RBFOX1: variants seen among roughly 807,000 people sequenced by gnomAD.
The protein encoded by RBFOX1 is RNA binding fox-1 homolog 1, also known as RNA binding protein fox-1 homolog 1.
A neutral mutation model predicts 57.7 loss-of-function variants in RBFOX1; 8 were observed. The ratio of observed to expected loss-of-function variants is 0.14; its 90% CI spans 0.08 to 0.25. RBFOX1 has a LOEUF of 0.25. Ranked by LOEUF, RBFOX1 falls within the 10% of genes least tolerant of loss-of-function variation. The pLI, the probability that RBFOX1 is intolerant of heterozygous loss-of-function variation, is 1.00. For missense variants in RBFOX1, 611 were observed against 548.5 expected (o/e 1.11, Z -1.14); for synonymous variants, 326 against 222.4 (o/e 1.47, Z -4.15).
chr16:7,152,607 T>C (rs1183555576), intron 4 of RBFOX1, among the ~76,000 whole-genome samples: 1 of 152,172 alleles, frequency 6.6e-6, no homozygotes, highest in African/African-American at 2.4e-5. Context: ...GTGGCTTCTC[T>C]GTGGTGTCTG....
chr16:6,220,412 G>A (rs1179278951), intron 1 of RBFOX1, among the ~76,000 whole-genome samples: 1 of 152,050 alleles, frequency 6.6e-6, no homozygotes, highest in Admixed American at 6.6e-5. Flanking sequence ...GACACTGGAG[G>A]GATTGAAACA....
In RBFOX1 at chr16:6,034,350, A is replaced by AG. The variant is rs771541262; in HGVS notation, c.-127+14358_-127+14359insG. On this transcript the variant is annotated intron_variant, in intron 1 of 15. Transcript: ENST00000550418. ...GTTGCGCAAAAAAAAAAAAAAAAAA[A>AG]AAAAAAAGAAAAGAAAAGAAAAGAA... Among the ~76,000 whole-genome samples the AG allele has an allele frequency of 6.2e-3, 879 of 142,312 alleles. 24 individuals carry two copies. Among genetic ancestry groups the AG allele is most frequent in the Non-Finnish European group, 9.1e-3 (595 of 65,214 alleles). The allele number at this position is 142,312 out of a possible 152,430, so 93.4% of individuals were successfully genotyped here. A position where few individuals can be genotyped will look rare whatever the true frequency, so the allele number is the denominator to read the frequency against.
intron 10 of RBFOX1, among the ~76,000 whole-genome samples, chr16:7,627,777 A>C (rs1488925494): frequency 6.6e-6 from 1 of 152,206 alleles, no homozygotes; most frequent in Non-Finnish European, 1.5e-5. Flanking sequence ...CTTTTAAGAA[A>C]AGGTCACAAA....
intron 2 of RBFOX1, among the ~76,000 whole-genome samples, chr16:6,404,541 A>C (rs2093203818): frequency 6.6e-6 from 1 of 152,192 alleles, no homozygotes; most frequent in African/African-American, 2.4e-5. Flanking sequence ...TCTCTACTCT[A>C]ATATTTCATG....
At chr16:6,853,744 G>A (rs1051115347) in intron 3 of RBFOX1, among the ~76,000 whole-genome samples, 2 of 152,088 alleles carry the variant, frequency 1.3e-5, no homozygotes, top group South Asian at 2.1e-4. Flanking sequence ...GGGATAATGC[G>A]CCTCACTGTG....
intron 3 of RBFOX1, among the ~76,000 whole-genome samples, chr16:7,046,377 G>C (rs1375607176): frequency 1.3e-5 from 2 of 151,948 alleles, no homozygotes; most frequent in African/African-American, 4.8e-5. Context: ...CAGTCTACAA[G>C]ACTCAGTATT....
At chr16:7,459,258 T>C (rs1447676242) in intron 4 of RBFOX1, among the ~76,000 whole-genome samples, 1 of 152,168 alleles carries the variant, frequency 6.6e-6, no homozygotes, top group African/African-American at 2.4e-5. Context: ...CATTGAGTTT[T>C]AGGATGGATA....
At chr16:6,983,536 C>T (rs568917612) in intron 3 of RBFOX1, 9 of 151,792 alleles carry the variant, frequency 5.9e-5, no homozygotes, top group African/African-American at 2.2e-4. Flanking sequence ...TTGCATTGCA[C>T]TCACTCCCCA....
At position 6,366,452 on chromosome 16, in the gene RBFOX1, A is replaced by G. The variant is rs527864321; in HGVS notation, c.-64+49395A>G. Among the ~76,000 whole-genome samples the G allele has an allele frequency of 2.7e-4, 41 of 152,310 alleles. No individual in the cohort carries two copies. In the South Asian group the frequency reaches 8.3e-3, roughly 31 times the overall value. On this transcript the variant is annotated intron_variant, in intron 2 of 15. Transcript: ENST00000550418. ...TTTTCTTCATGGAGAGATATGAGACAATGTTGAACAACCCAGAATAAGCCA... is the reference window on the plus strand; with the variant it reads ...TTTTCTTCATGGAGAGATATGAGACGATGTTGAACAACCCAGAATAAGCCA...
At chr16:7,273,307 G>C (rs1007716472) in intron 4 of RBFOX1, among the ~76,000 whole-genome samples, 5 of 142,642 alleles carry the variant, frequency 3.5e-5, no homozygotes, top group Non-Finnish European at 7.5e-5. Context: ...GTTACGCTAA[G>C]TTTTGGAAAC....
At chr16:6,498,425 A>G (rs2095832367) in intron 2 of RBFOX1, among the ~76,000 whole-genome samples, 1 of 152,152 alleles carries the variant, frequency 6.6e-6, no homozygotes, top group Non-Finnish European at 1.5e-5. Flanking sequence ...TCTGAAAGAG[A>G]AGACAGACCA....
chr16:6,106,844 C>T (rs1041955080), intron 1 of RBFOX1, among the ~76,000 whole-genome samples: 14 of 151,358 alleles, frequency 9.2e-5, no homozygotes, highest in African/African-American at 2.2e-4. Context: ...ATTTTTTTTT[C>T]GGATTTCTAG....
intron 3 of RBFOX1, among the ~76,000 whole-genome samples, chr16:6,655,543 A>G (rs1454651972): frequency 6.6e-6 from 1 of 152,076 alleles, no homozygotes; most frequent in African/African-American, 2.4e-5. Context: ...TCTTTGCTAC[A>G]CTTAATGTGA....
At chr16:6,825,842 G>T (rs62017676) in intron 3 of RBFOX1, among the ~76,000 whole-genome samples, 3 of 151,964 alleles carry the variant, frequency 2.0e-5, no homozygotes, top group African/African-American at 4.8e-5. Context: ...TCTTCCATCC[G>T]GAAGGAGGAA....
chr16:5,761,466 G>C (rs1324165756), intron 3 of RBFOX1, among the ~76,000 whole-genome samples: 1 of 152,186 alleles, frequency 6.6e-6, no homozygotes, highest in African/African-American at 2.4e-5. Flanking sequence ...AAGGAAAGGG[G>C]TTCAATTGAC....
At chr16:6,552,995 C>T (rs939149733) in intron 2 of RBFOX1, among the ~76,000 whole-genome samples, 11 of 151,964 alleles carry the variant, frequency 7.2e-5, no homozygotes, top group South Asian at 2.1e-4. Flanking sequence ...CATCAGCTGC[C>T]CCCTGCAAGT....
intron 4 of RBFOX1, among the ~76,000 whole-genome samples, chr16:7,094,171 T>G (rs981132721): frequency 1.3e-5 from 2 of 151,814 alleles, no homozygotes; most frequent in African/African-American, 2.4e-5. Context: ...GACAAATACT[T>G]GATCAAATGA....
chr16:6,100,300 C>G (rs1299420), intron 1 of RBFOX1, among the ~76,000 whole-genome samples: 1 of 152,048 alleles, frequency 6.6e-6, no homozygotes, highest in Admixed American at 6.6e-5. Context: ...GGAGCTGGGA[C>G]TACAGGCGCC....
intron 3 of RBFOX1, among the ~76,000 whole-genome samples, chr16:7,023,279 C>G (rs1028763756): frequency 6.6e-6 from 1 of 151,626 alleles, no homozygotes. Context: ...GAGTCCAAGA[C>G]CAGACCGCAT....
Sources: gnomAD v4.1 joint callset for allele counts (sites outside exome capture counted in the v4.1 genomes callset) on GRCh38, gnomAD v4.1.1 for gene constraint, MANE v1.5 for transcripts, NCBI Gene and HGNC (gene_info 2026-07-23, HGNC 2026-07-21) for gene names.